B3GALT1: variants seen among roughly 807,000 people sequenced by gnomAD.
B3GALT1 encodes UDP-Gal:betaGlcNAc beta 1,3-galactosyltransferase, polypeptide 1.
Under a neutral mutation model 23.2 loss-of-function variants are expected in B3GALT1, and 10 were observed. The observed-to-expected ratio is 0.43, with a 90% CI of 0.27 to 0.73. The LOEUF (loss-of-function observed/expected upper bound fraction) is 0.73, where lower values mean the gene tolerates loss of function less well. Ranked by LOEUF, B3GALT1 falls within the 30% of genes least tolerant of loss-of-function variation. The pLI is 0.21. For synonymous variants in B3GALT1, 156 were observed against 141.5 expected (o/e 1.10, Z -0.73); for missense variants, 299 against 405.4 (o/e 0.74, Z 2.25).
chr2:167,521,253 A>G (rs1211038670), intron 2 of B3GALT1, among the ~76,000 whole-genome samples: 1 of 152,102 alleles, frequency 6.6e-6, no homozygotes, highest in Non-Finnish European at 1.5e-5. Context: ...TATCCTTCTT[A>G]GTGCCTCAAA....
At chr2:167,409,376 T>C (rs1438782925) in intron 1 of B3GALT1, among the ~76,000 whole-genome samples, 1 of 152,148 alleles carries the variant, frequency 6.6e-6, no homozygotes, top group East Asian at 1.9e-4. Flanking sequence ...CCCTGTCACT[T>C]TCAGGTACGC....
chr2:167,748,180 T>A (rs984898492), intron 3 of B3GALT1, among the ~76,000 whole-genome samples: 1 of 152,068 alleles, frequency 6.6e-6, no homozygotes, highest in Non-Finnish European at 1.5e-5. Flanking sequence ...TGAAGCACAA[T>A]GTGATATGTG....
chr2:167,483,712 T>G (rs1051392895), intron 1 of B3GALT1, among the ~76,000 whole-genome samples: 6 of 152,204 alleles, frequency 3.9e-5, no homozygotes, highest in African/African-American at 1.4e-4. Context: ...CATTTATATA[T>G]AATTTATAGC....
chr2:167,411,378 CAA>C lies in B3GALT1; in HGVS notation c.-510-78779_-510-78778del, dbSNP rs60719828. 3.2e-3 allele frequency among the ~76,000 whole-genome samples: 434 copies of C among 136,508 alleles called. 4 individuals carry two copies. The highest frequency in any genetic ancestry group is 0.015 in the South Asian group (64 of 4,356). 89.6% of individuals were successfully genotyped at this position (136,508 alleles called of 152,430 possible). On this transcript the variant is annotated intron_variant, in intron 1 of 4. Coordinates refer to ENST00000392690, the MANE Select transcript of B3GALT1 (RefSeq NM_020981.4). ...AACAACTCAATAGCAAACAAAAAACCAAAAAAAAAAAAAAAAAAAAACCACAC... is the reference window on the plus strand; with the variant it reads ...AACAACTCAATAGCAAACAAAAAACCAAAAAAAAAAAAAAAAAAACCACAC...
At chr2:167,447,790 C>T (rs1033427023) in intron 1 of B3GALT1, among the ~76,000 whole-genome samples, 2 of 152,130 alleles carry the variant, frequency 1.3e-5, no homozygotes, top group Non-Finnish European at 2.9e-5. Flanking sequence ...AAATGGAATT[C>T]CCTGACCCCT....
chr2:167,830,502 A>G (rs1399171733), intron 4 of B3GALT1, among the ~76,000 whole-genome samples: 1 of 152,202 alleles, frequency 6.6e-6, no homozygotes, highest in Non-Finnish European at 1.5e-5. Context: ...CTTGTCCACA[A>G]TTGTGAACTG....
intron 3 of B3GALT1, among the ~76,000 whole-genome samples, chr2:167,678,085 A>C (rs1686459780): frequency 6.6e-6 from 1 of 151,518 alleles, no homozygotes; most frequent in African/African-American, 2.4e-5. Context: ...AAACCATATC[A>C]CCCCCCTTAT....
At chr2:167,480,204 C>G (rs1283787337) in intron 1 of B3GALT1, among the ~76,000 whole-genome samples, 1 of 152,156 alleles carries the variant, frequency 6.6e-6, no homozygotes, top group Non-Finnish European at 1.5e-5. Flanking sequence ...TCATGCCCCT[C>G]CCACCTAATC....
At chr2:167,394,673 C>T (rs1698068283) in intron 1 of B3GALT1, among the ~76,000 whole-genome samples, 3 of 152,014 alleles carry the variant, frequency 2.0e-5, no homozygotes, top group South Asian at 4.1e-4. Flanking sequence ...GGCATTTTCT[C>T]TCCATCCCTG....
At chr2:167,618,220 A>G (rs1685194207) in intron 2 of B3GALT1, among the ~76,000 whole-genome samples, 7 of 152,246 alleles carry the variant, frequency 4.6e-5, no homozygotes, top group Admixed American at 3.9e-4. Flanking sequence ...CTAATGCTAC[A>G]ATAATTTCTC....
chr2:167,795,524 C>G (rs1431052908), intron 3 of B3GALT1, among the ~76,000 whole-genome samples: 1 of 152,134 alleles, frequency 6.6e-6, no homozygotes, highest in Non-Finnish European at 1.5e-5. Flanking sequence ...AACTCCCTCC[C>G]CAAACCATTT....
chr2:167,584,624 C>A (rs754157460), intron 2 of B3GALT1, among the ~76,000 whole-genome samples: 26 of 152,162 alleles, frequency 1.7e-4, no homozygotes, highest in Non-Finnish European at 3.5e-4. Context: ...TAATCGCAAG[C>A]CCTAAGTTGT....
intron 2 of B3GALT1, among the ~76,000 whole-genome samples, chr2:167,537,391 G>GA (rs1336783364): frequency 3.3e-5 from 5 of 151,300 alleles, no homozygotes. Flanking sequence ...GATCAAAAAG[G>GA]AAAAAAAATT....
chr2:167,400,223 C>G (rs1698167134), intron 1 of B3GALT1, among the ~76,000 whole-genome samples: 1 of 105,408 alleles, frequency 9.5e-6, no homozygotes, highest in South Asian at 3.1e-4. Flanking sequence ...TTAGAACAGG[C>G]CTTTCCTCAT....
chr2:167,564,193 G>T (rs1414509407), intron 2 of B3GALT1, among the ~76,000 whole-genome samples: 1 of 151,262 alleles, frequency 6.6e-6, no homozygotes, highest in African/African-American at 2.4e-5. Context: ...AGACGGGGCG[G>T]CCGGGCAGAG....
At chr2:167,486,357 CAAAA>C (rs56092916) in intron 1 of B3GALT1, among the ~76,000 whole-genome samples, 1 of 113,422 alleles carries the variant, frequency 8.8e-6, no homozygotes. Context: ...GACTCTGTCT[CAAAA>C]AAAAAAAAAA....
intron 4 of B3GALT1, among the ~76,000 whole-genome samples, chr2:167,819,999 G>T (rs527876735): frequency 3.3e-5 from 5 of 152,132 alleles, no homozygotes; most frequent in African/African-American, 1.2e-4. Context: ...GTGGAGCAGC[G>T]TCAGCACACA....
intron 1 of B3GALT1, among the ~76,000 whole-genome samples, chr2:167,479,765 G>A (rs1378684144): frequency 1.3e-5 from 2 of 151,938 alleles, no homozygotes; most frequent in African/African-American, 4.8e-5. Flanking sequence ...CCGAGACCGT[G>A]GTATTGTAAT....
chr2:167,566,065 G>T (rs533142142), intron 2 of B3GALT1, among the ~76,000 whole-genome samples: 1 of 151,814 alleles, frequency 6.6e-6, no homozygotes, highest in African/African-American at 2.4e-5. Context: ...TGTTTATTGC[G>T]GCACTATTCA....
Sources: allele counts gnomAD v4.1 joint callset (sites outside exome capture counted in the v4.1 genomes callset), GRCh38; gene constraint gnomAD v4.1.1; transcripts MANE v1.5; gene names NCBI Gene and HGNC (gene_info 2026-07-23, HGNC 2026-07-21).